HUWE1: variants seen among roughly 807,000 people sequenced by gnomAD.
HUWE1 encodes E3 ubiquitin-protein ligase HUWE1.
HUWE1 carries 18 observed loss-of-function variants against 299.4 expected under a neutral mutation model. The observed-to-expected ratio is 0.06, with a 90% CI of 0.04 to 0.09. The LOEUF (loss-of-function observed/expected upper bound fraction) is 0.09. HUWE1 is among the 10% of genes least tolerant of loss of function. The pLI is 1.00. For synonymous variants in HUWE1, 1,317 were observed against 1,286.1 expected (o/e 1.02, Z -0.51); for missense variants, 1,832 against 3,462.3 (o/e 0.53, Z 11.82).
chrX:53,604,436 T>C (rs782222450), intron 26 of HUWE1, among the ~76,000 whole-genome samples, 153 bp downstream of exon 26: 26 of 112,106 alleles, frequency 2.3e-4, no homozygotes, highest in Non-Finnish European at 4.3e-4. Flanking sequence ...CTCAACTTTT[T>C]GACAGTCAAA....
At chrX:53,682,609 A>C (rs1557053858) in intron 2 of HUWE1, among the ~76,000 whole-genome samples, 1 of 111,115 alleles carries the variant, frequency 9.0e-6, no homozygotes, top group East Asian at 2.8e-4. Context: ...GCCTGAGAGG[A>C]GGGTTATCTT....
chrX:53,675,323 C>T (rs2069763010), intron 3 of HUWE1, among the ~76,000 whole-genome samples: 1 of 111,423 alleles, frequency 9.0e-6, no homozygotes, highest in African/African-American at 3.3e-5. Flanking sequence ...CAATATTGGC[C>T]CAAAGGTTTT....
chrX:53,662,117 C>G (rs1557045783), intron 3 of HUWE1, among the ~76,000 whole-genome samples: 5 of 111,208 alleles, frequency 4.5e-5, no homozygotes, highest in African/African-American at 1.6e-4. Flanking sequence ...CTGACATCAC[C>G]TGGGAGTTAT....
At chrX:53,662,345 T>C (rs1051853426) in intron 3 of HUWE1, among the ~76,000 whole-genome samples, 5 of 111,798 alleles carry the variant, frequency 4.5e-5, no homozygotes, top group African/African-American at 1.6e-4. Flanking sequence ...TGTGTAATTA[T>C]TCTTTCCATT....
In HUWE1 at chrX:53,621,673, C is replaced by G. The variant is rs372053010; in HGVS notation, c.1672+2922G>C. On this transcript the variant is annotated intron_variant, in intron 19 of 83. Transcript: ENST00000262854. ...CTATTTACACTCTAATTTCACTATT[C>G]CAGTCACTACCTATATTTCCTGCTT... Among the ~76,000 whole-genome samples the G allele has an allele frequency of 1.3e-4, 14 of 110,928 alleles. No homozygotes were observed. The East Asian group carries it at 4.0e-3, about 31-fold the overall frequency.
Position 53,628,604 on chromosome X carries a change from TG to T in HUWE1, c.1130del (p.Pro377HisfsTer32). On this transcript the variant is annotated frameshift_variant, in exon 15 of 84. Coordinates refer to ENST00000262854, the MANE Select transcript of HUWE1 (RefSeq NM_031407.7). LOFTEE classifies it high-confidence loss of function. ...GAGCAGTGGCAAACTGGTGAGGGTA[TG>T]GATCCATGGAAGGATCTACAAGGGA... ...IQAMIDPSMDPYPHQFATALF... is the reference protein window; with the variant it reads ...IQAMIDPSMDXYPHQFATALF... The T allele has an allele frequency of 8.5e-7, 1 of 1,171,657 alleles. No homozygotes were observed. The highest frequency in any genetic ancestry group is 1.1e-6 in the Non-Finnish European group (1 of 874,895).
At chrX:53,569,887 C>T in intron 47 of HUWE1, 60 bp from the exon 48 acceptor site, 2 of 985,226 alleles carry the variant, frequency 2.0e-6, no homozygotes, top group Admixed American at 2.3e-5. Context: ...ATCATTTGCA[C>T]AGGACCAAAG....
Position 53,547,758 on chromosome X carries a change from C to T in HUWE1, c.10551G>A (p.Leu3517=), listed in dbSNP as rs61730217. The part of the protein sequence containing the change: ...APTPVTSAPA[L]VAATAISTIV... ...TGGTGGAAATAGCCGTGGCAGCAACCAGGGCTGGAGCAGAAGTGACAGGGG... is the reference window on the plus strand; with the variant it reads ...TGGTGGAAATAGCCGTGGCAGCAACTAGGGCTGGAGCAGAAGTGACAGGGG... The change falls in exon 68 of 84, where the codon CTG becomes CTA. Residue 3517 remains leucine (L), a synonymous_variant. Coordinates refer to ENST00000262854, the MANE Select transcript of HUWE1 (RefSeq NM_031407.7). The T allele has an allele frequency of 3.3e-6, 4 of 1,201,747 alleles. No homozygotes were observed. Among genetic ancestry groups the T allele is most frequent in the Non-Finnish European group, 3.4e-6 (3 of 890,466 alleles).
intron 26 of HUWE1, 54 bp from the exon 27 acceptor site, chrX:53,603,555 T>TAA (rs782483263): frequency 4.5e-5 from 44 of 977,838 alleles, no homozygotes; most frequent in Non-Finnish European, 5.1e-5. Flanking sequence ...CAATTATACT[T>TAA]AAAAAAAAAA....
intron 2 of HUWE1, among the ~76,000 whole-genome samples, chrX:53,680,976 G>C (rs782758164): frequency 9.0e-6 from 1 of 111,210 alleles, no homozygotes; most frequent in Non-Finnish European, 1.9e-5. Context: ...CTAATTGTGG[G>C]ATGGTTACCT....
intron 75 of HUWE1, 46 bp downstream of exon 75, chrX:53,539,611 G>C (rs2061249640): frequency 1.7e-6 from 2 of 1,189,974 alleles, no homozygotes; most frequent in East Asian, 3.0e-5. Flanking sequence ...AAGGGCCCCA[G>C]AGCAGACCAC....
At chrX:53,572,883 C>T (rs1556953064) in intron 47 of HUWE1, among the ~76,000 whole-genome samples, 1 of 111,205 alleles carries the variant, frequency 9.0e-6, no homozygotes. Context: ...CAAAACTCCT[C>T]ATTTTCTCTT....
At chrX:53,667,819 T>C (rs1418422436) in intron 3 of HUWE1, among the ~76,000 whole-genome samples, 2 of 111,582 alleles carry the variant, frequency 1.8e-5, no homozygotes, top group Non-Finnish European at 3.8e-5. Flanking sequence ...AAATTTTACA[T>C]ATGTTGGTCT....
At chrX:53,624,230 C>T (rs2066334095) in intron 19 of HUWE1, among the ~76,000 whole-genome samples, 1 of 110,901 alleles carries the variant, frequency 9.0e-6, no homozygotes, top group Non-Finnish European at 1.9e-5. Flanking sequence ...GGTGATCTAC[C>T]CGCCTCGGCC....
intron 3 of HUWE1, among the ~76,000 whole-genome samples, chrX:53,657,402 CT>C (rs1195491951): frequency 9.0e-6 from 1 of 111,592 alleles, no homozygotes; most frequent in Admixed American, 9.5e-5. Context: ...GGCAAAACCC[CT>C]TAATCCCAGC....
intron 3 of HUWE1, among the ~76,000 whole-genome samples, chrX:53,658,044 C>T (rs1324544944): frequency 6.3e-3 from 2 of 315 alleles, no homozygotes; most frequent in Admixed American, 0.048. Context: ...AGCAAGACTC[C>T]GTCTCAAAAA....
Position 53,533,144 on chromosome X carries a change from G to C in HUWE1, c.*165C>G, listed in dbSNP as rs1199190379. ...GGCGGCGGGGAGAGAATGAGAAGAG[G>C]AACAGGTATGCGCTGGGGAAGATGG... On this transcript the variant is annotated 3_prime_UTR_variant, in exon 84 of 84. Transcript: ENST00000262854. 4.4e-6 allele frequency: 2 copies of C among 458,883 alleles called. No individual in the cohort carries two copies. Among genetic ancestry groups the C allele is most frequent in the Non-Finnish European group, 7.8e-6 (2 of 256,133 alleles). 37.8% of individuals were successfully genotyped at this position (458,883 alleles called of 1,213,427 possible). A position where few individuals can be genotyped will look rare whatever the true frequency, so the allele number is the denominator to read the frequency against.
chrX:53,643,469 C>T (rs1603239579), intron 7 of HUWE1, among the ~76,000 whole-genome samples: 2 of 110,874 alleles, frequency 1.8e-5, no homozygotes, highest in South Asian at 3.9e-4. Context: ...CCTGCCTTAC[C>T]GTCCTGAGTA....
intron 29 of HUWE1, among the ~76,000 whole-genome samples, chrX:53,598,258 G>A (rs1219497996): frequency 8.9e-6 from 1 of 111,968 alleles, no homozygotes; most frequent in Non-Finnish European, 1.9e-5. Context: ...TTATGATGTG[G>A]ACCTTACTAT....
Sources: allele counts gnomAD v4.1 joint callset (sites outside exome capture counted in the v4.1 genomes callset), GRCh38; gene constraint gnomAD v4.1.1; transcripts MANE v1.5; gene names NCBI Gene and HGNC (gene_info 2026-07-23, HGNC 2026-07-21).